FBXL5: variants seen among roughly 807,000 people sequenced by gnomAD.
FBXL5 encodes F-box and leucine rich repeat protein 5.
FBXL5 carries 26 observed loss-of-function variants against 78.3 expected under a neutral mutation model. The observed-to-expected ratio is 0.33, with a 90% CI of 0.24 to 0.46. The LOEUF (loss-of-function observed/expected upper bound fraction) is 0.46. Among genes scored for constraint, FBXL5 ranks in the 20% least tolerant of loss-of-function variants. The probability of loss-of-function intolerance (pLI) is 1.00; values close to 1 mark genes in which losing one functional copy is unlikely to be tolerated. For synonymous variants in FBXL5, 295 were observed against 282.5 expected (o/e 1.04, Z -0.45); for missense variants, 710 against 829.2 (o/e 0.86, Z 1.77).
intron 5 of FBXL5, among the ~76,000 whole-genome samples, chr4:15,633,921 A>G (rs958541849): frequency 2.0e-5 from 3 of 152,088 alleles, no homozygotes; most frequent in Non-Finnish European, 2.9e-5. Context: ...AACTCTTAAC[A>G]TTACATCTAA....
At chr4:15,662,068 A>G (rs1717336602), upstream of FBXL5, among the ~76,000 whole-genome samples, 1 of 152,236 alleles carries the variant, frequency 6.6e-6, no homozygotes, top group South Asian at 2.1e-4. Context: ...CTTTTATAAC[A>G]TAATCTCAGA....
intron 1 of FBXL5, among the ~76,000 whole-genome samples, chr4:15,646,153 T>A (rs1006922095): frequency 6.6e-6 from 1 of 152,220 alleles, no homozygotes; most frequent in African/African-American, 2.4e-5. Context: ...AGCACAAAAG[T>A]AGTCATAGAC....
Position 15,644,117 on chromosome 4 carries a change from A to C in FBXL5, c.300+376T>G, listed in dbSNP as rs1382433171. Among the ~76,000 whole-genome samples, 22 of 152,200 alleles carry C rather than the reference A, an allele frequency of 1.4e-4. 1 individual carries two copies. The highest frequency in any genetic ancestry group is 4.4e-5 in the Non-Finnish European group (3 of 68,030). ...TAGTATCTGATCTGCATCTACATCT[A>C]ATCAAACTACTGATCCTTCAATATG... On this transcript the variant is annotated intron_variant, in intron 2 of 10. Coordinates refer to ENST00000341285, the MANE Select transcript of FBXL5 (RefSeq NM_012161.4).
intron 1 of FBXL5, among the ~76,000 whole-genome samples, chr4:15,677,089 A>G (rs1016256367): frequency 6.6e-6 from 1 of 152,130 alleles, no homozygotes; most frequent in Non-Finnish European, 1.5e-5. Flanking sequence ...ACTATAATAA[A>G]CTCTGAAGAC....
chr4:15,641,787 G>A (rs1238484140), intron 2 of FBXL5, among the ~76,000 whole-genome samples: 8 of 152,092 alleles, frequency 5.3e-5, no homozygotes, highest in Non-Finnish European at 1.0e-4. Context: ...ACCACTTTGG[G>A]ACGCAGAGGC....
In FBXL5 at chr4:15,642,055, T is replaced by C. The variant is rs570840012; in HGVS notation, c.301-1172A>G. Among the ~76,000 whole-genome samples, 3 of 151,654 alleles carry C rather than the reference T, an allele frequency of 2.0e-5. No homozygotes were observed. The South Asian group carries it at 6.3e-4, about 32-fold the overall frequency. On this transcript the variant is annotated intron_variant, in intron 2 of 10. Transcript: ENST00000341285. The stretch of plus-strand genomic sequence containing the variant: ...AAAAAAAAAAGAAAAAATTATTTGA[T>C]GTAAGGTCATATATATCAATATCAA...
At chr4:15,656,157 G>A, upstream of FBXL5, 1 of 455,950 alleles carries the variant, frequency 2.2e-6, no homozygotes, top group South Asian at 1.5e-5. Flanking sequence ...TGGAAGGTTG[G>A]TGCGGGAAAG....
chr4:15,659,083 T>C (rs1717174050), upstream of FBXL5, among the ~76,000 whole-genome samples: 1 of 152,198 alleles, frequency 6.6e-6, no homozygotes, highest in Non-Finnish European at 1.5e-5. Flanking sequence ...GTGCTTTAAC[T>C]AAATAATATA....
chr4:15,624,601 A>T (rs1041130936), intron 9 of FBXL5, among the ~76,000 whole-genome samples: 1 of 114,704 alleles, frequency 8.7e-6, no homozygotes, highest in Non-Finnish European at 2.1e-5. Flanking sequence ...CTAGGAGGTT[A>T]AAAAAAAAAA....
chr4:15,653,642 C>G (rs1716423390), intron 1 of FBXL5, among the ~76,000 whole-genome samples: 1 of 135,910 alleles, frequency 7.4e-6, no homozygotes, highest in African/African-American at 2.5e-5. Flanking sequence ...TTTTTGAGAC[C>G]ATTTTTTTTT....
chr4:15,621,079 G>A (rs1479219530), intron 9 of FBXL5, among the ~76,000 whole-genome samples: 1 of 152,182 alleles, frequency 6.6e-6, no homozygotes, highest in Non-Finnish European at 1.5e-5. Context: ...ATATTTCTGT[G>A]TGTGTGTCTT....
At chr4:15,643,869 G>A (rs771399806) in intron 2 of FBXL5, among the ~76,000 whole-genome samples, 15 of 152,046 alleles carry the variant, frequency 9.9e-5, no homozygotes, top group Non-Finnish European at 1.9e-4. Flanking sequence ...TTAAAACTTC[G>A]ACTTACAAAA....
chr4:15,611,045 C>T (rs1323303296), intron 10 of FBXL5, among the ~76,000 whole-genome samples: 1 of 152,086 alleles, frequency 6.6e-6, no homozygotes, highest in Non-Finnish European at 1.5e-5. Flanking sequence ...ACTACAATGA[C>T]ATTCACTTTC....
At chr4:15,628,785 A>ACACACTCACG (rs10682962) in intron 6 of FBXL5, among the ~76,000 whole-genome samples, 2 of 98,148 alleles carry the variant, frequency 2.0e-5, no homozygotes, top group African/African-American at 6.8e-5. Context: ...ACACACACAC[A>ACACACTCACG]CACGCACACA....
At chr4:15,637,570 T>G (rs1308653719) in intron 4 of FBXL5, among the ~76,000 whole-genome samples, 1 of 152,192 alleles carries the variant, frequency 6.6e-6, no homozygotes, top group African/African-American at 2.4e-5. Context: ...ACAATTTGCT[T>G]TGAAGGAGTG....
rs538497653 is a variant in FBXL5 at position 15,638,581 on chromosome 4, A to G, written c.510T>C (p.Gly170=). 1 of 1,612,418 alleles carries G rather than the reference A, an allele frequency of 6.2e-7. No homozygotes were observed. Among genetic ancestry groups the G allele is most frequent in the African/African-American group, 1.3e-5 (1 of 74,936 alleles). ...CTTCAGCATGATTCCATAGGCTAAG[A>G]CCTCTAAGGAGTTCTGCAGTATCCT... is the stretch of plus-strand genomic sequence containing the variant. ...SQKDTAELLR[G]LSLWNHAEER... Residue 170 remains glycine (G), a synonymous_variant, in exon 4 of 11, where the codon GGT becomes GGC. Coordinates refer to ENST00000341285, the MANE Select transcript of FBXL5 (RefSeq NM_012161.4).
chr4:15,642,674 T>C (rs1316210283), intron 2 of FBXL5, among the ~76,000 whole-genome samples: 1 of 152,232 alleles, frequency 6.6e-6, no homozygotes, highest in African/African-American at 2.4e-5. Context: ...ACATTTTCCC[T>C]AAGCATATCC....
chr4:15,656,948 A>G (rs903095341), upstream of FBXL5, among the ~76,000 whole-genome samples: 1 of 152,142 alleles, frequency 6.6e-6, no homozygotes, highest in Non-Finnish European at 1.5e-5. Flanking sequence ...ATCTGACAGT[A>G]CCCCCAGAGT....
upstream of FBXL5, among the ~76,000 whole-genome samples, chr4:15,658,575 G>A (rs145452939): frequency 8.7e-4 from 132 of 152,182 alleles, 2 homozygotes; most frequent in African/African-American, 3.0e-3. Context: ...TGAGTCCCTC[G>A]CCATGTGATG....
Sources: allele counts gnomAD v4.1 joint callset (sites outside exome capture counted in the v4.1 genomes callset), GRCh38; gene constraint gnomAD v4.1.1; transcripts MANE v1.5; gene names NCBI Gene and HGNC (gene_info 2026-07-23, HGNC 2026-07-21).